BMPR1B: variants seen among roughly 807,000 people sequenced by gnomAD.
The protein encoded by BMPR1B is bone morphogenetic protein receptor type-1B.
In BMPR1B, 12 loss-of-function variants were observed where a neutral mutation model predicts 59.1. That is an observed-to-expected ratio of 0.20 (90% CI 0.13 to 0.33). The LOEUF (loss-of-function observed/expected upper bound fraction) is 0.33. Among genes scored for constraint, BMPR1B ranks in the 10% least tolerant of loss-of-function variants. The pLI, the probability that BMPR1B is intolerant of heterozygous loss-of-function variation, is 1.00. For missense variants in BMPR1B, 550 were observed against 610.9 expected (o/e 0.90, Z 1.05); for synonymous variants, 237 against 207.3 (o/e 1.14, Z -1.23).
intron 3 of BMPR1B, among the ~76,000 whole-genome samples, chr4:95,068,212 A>G (rs1727998142): frequency 6.6e-6 from 1 of 152,130 alleles, no homozygotes; most frequent in Admixed American, 6.5e-5. Context: ...TTGAGAAGAA[A>G]AGTAACATAA....
rs1211073430 is a variant in BMPR1B at position 94,935,485 on chromosome 4, C to CT, written c.-113+59588dup. Among the ~76,000 whole-genome samples, 5 of 152,238 alleles carry CT rather than the reference C, an allele frequency of 3.3e-5. No individual in the cohort carries two copies. In the East Asian group the frequency reaches 9.7e-4, roughly 29 times the overall value. On this transcript the variant is annotated intron_variant, in intron 2 of 12. Transcript: ENST00000515059. The stretch of plus-strand genomic sequence containing the variant: ...ATTTTCCATCCCTCCTACAGCTTGC[C>CT]TTTCAGTAGTGGAAGTCACACTTAA...
chr4:95,027,116 T>G (rs1724482955), intron 3 of BMPR1B, among the ~76,000 whole-genome samples: 3 of 152,098 alleles, frequency 2.0e-5, no homozygotes, highest in Admixed American at 2.0e-4. Context: ...AGATTATTGC[T>G]TCTTTCTCTA....
intron 2 of BMPR1B, among the ~76,000 whole-genome samples, chr4:94,901,806 A>G (rs950814519): frequency 2.0e-5 from 3 of 151,952 alleles, no homozygotes; most frequent in Non-Finnish European, 4.4e-5. Context: ...CTCTGACCCA[A>G]CACTTCCATA....
chr4:94,826,055 A>T lies in BMPR1B; in HGVS notation c.-182-49776A>T, dbSNP rs540944646. ...TTTTATTTGTGGAAAAAAAAATTTTAAAATCATTTCCTCAAAAATATTAAT... is the reference window on the plus strand; with the variant it reads ...TTTTATTTGTGGAAAAAAAAATTTTTAAATCATTTCCTCAAAAATATTAAT... On this transcript the variant is annotated intron_variant, in intron 1 of 12. Transcript: ENST00000515059. Among the ~76,000 whole-genome samples the T allele has an allele frequency of 5.1e-3, 776 of 152,330 alleles. 8 individuals carry two copies. The highest frequency in any genetic ancestry group is 0.018 in the African/African-American group (728 of 41,574).
intron 2 of BMPR1B, among the ~76,000 whole-genome samples, chr4:94,925,441 TAA>T (rs996527350): frequency 6.6e-6 from 1 of 152,166 alleles, no homozygotes; most frequent in Non-Finnish European, 1.5e-5. Context: ...TGTTTTGATA[TAA>T]GTCAGTGAAT....
At chr4:94,917,817 T>G (rs189775992) in intron 2 of BMPR1B, among the ~76,000 whole-genome samples, 1 of 152,240 alleles carries the variant, frequency 6.6e-6, no homozygotes, top group African/African-American at 2.4e-5. Context: ...TAATACAGTT[T>G]GGATATTTGT....
intron 2 of BMPR1B, among the ~76,000 whole-genome samples, chr4:94,951,789 G>A (rs1729948823): frequency 6.6e-6 from 1 of 152,172 alleles, no homozygotes; most frequent in African/African-American, 2.4e-5. Flanking sequence ...AGTTAGGGAG[G>A]AGTCCTTCTT....
intron 3 of BMPR1B, among the ~76,000 whole-genome samples, chr4:95,029,493 A>G (rs1047828390): frequency 2.6e-5 from 4 of 152,028 alleles, no homozygotes; most frequent in African/African-American, 7.2e-5. Context: ...AATCCAGTCT[A>G]TCATTGTTGG....
At chr4:95,011,225 C>T (rs111735070) in intron 3 of BMPR1B, among the ~76,000 whole-genome samples, 3 of 152,006 alleles carry the variant, frequency 2.0e-5, no homozygotes, top group Admixed American at 2.0e-4. Flanking sequence ...TTTTTCTGCT[C>T]CTCTCCCTCC....
chr4:95,039,242 T>G (rs965081980), intron 3 of BMPR1B, among the ~76,000 whole-genome samples: 1 of 152,202 alleles, frequency 6.6e-6, no homozygotes, highest in East Asian at 1.9e-4. Context: ...AGTTTCTTAC[T>G]TCTCTTATTT....
intron 2 of BMPR1B, among the ~76,000 whole-genome samples, chr4:94,959,508 G>C (rs1435445747): frequency 2.6e-5 from 4 of 152,056 alleles, no homozygotes; most frequent in Middle Eastern, 3.2e-3. Context: ...CCTCAAAGTT[G>C]AATATTACTT....
At chr4:94,998,434 C>T (rs959989828) in intron 3 of BMPR1B, among the ~76,000 whole-genome samples, 7 of 150,388 alleles carry the variant, frequency 4.7e-5, no homozygotes, top group Non-Finnish European at 5.9e-5. Flanking sequence ...AGTGCAATGG[C>T]GCGATCTTAG....
chr4:94,911,225 T>A (rs1332632185), intron 2 of BMPR1B, among the ~76,000 whole-genome samples: 1 of 152,164 alleles, frequency 6.6e-6, no homozygotes, highest in Non-Finnish European at 1.5e-5. Flanking sequence ...AAACTCAATC[T>A]TAGTGAATCT....
intron 1 of BMPR1B, among the ~76,000 whole-genome samples, chr4:94,810,719 A>G (rs950079452): frequency 6.6e-6 from 1 of 152,246 alleles, no homozygotes; most frequent in African/African-American, 2.4e-5. Flanking sequence ...GTGTTTCTTG[A>G]AGCCAGAGAA....
intron 3 of BMPR1B, among the ~76,000 whole-genome samples, chr4:95,005,840 A>T (rs1722783672): frequency 6.6e-6 from 1 of 152,310 alleles, no homozygotes; most frequent in East Asian, 1.9e-4. Flanking sequence ...CAGAAACAGT[A>T]AATGCCTGGA....
intron 3 of BMPR1B, among the ~76,000 whole-genome samples, chr4:95,025,417 G>A (rs1313457240): frequency 5.9e-5 from 9 of 152,130 alleles, no homozygotes; most frequent in Non-Finnish European, 1.0e-4. Context: ...CTCACAAGAG[G>A]CTGTTACAGT....
At chr4:95,091,710 A>G in intron 3 of BMPR1B, 1 of 940,152 alleles carries the variant, frequency 1.1e-6, no homozygotes, top group Non-Finnish European at 1.3e-6. Context: ...GAGTAAAGCC[A>G]ATTCTGGCAC....
At chr4:94,814,583 A>G (rs1033873440) in intron 1 of BMPR1B, among the ~76,000 whole-genome samples, 1 of 152,206 alleles carries the variant, frequency 6.6e-6, no homozygotes, top group African/African-American at 2.4e-5. Flanking sequence ...TAGAGATAAT[A>G]TAAGTATTAT....
chr4:95,128,988 C>T (rs142835470), intron 8 of BMPR1B, among the ~76,000 whole-genome samples: 280 of 151,506 alleles, frequency 1.8e-3, no homozygotes, highest in African/African-American at 6.6e-3. Context: ...CTCCTTTTTC[C>T]TCCCCATTCT....
Sources: allele counts gnomAD v4.1 joint callset (sites outside exome capture counted in the v4.1 genomes callset), GRCh38; gene constraint gnomAD v4.1.1; transcripts MANE v1.5; gene names NCBI Gene and HGNC (gene_info 2026-07-23, HGNC 2026-07-21).